Variants in ADRA1D observed in about 807,000 individuals in gnomAD.
The protein encoded by ADRA1D is adrenoceptor alpha 1D, also known as alpha-1D adrenergic receptor.
In ADRA1D, 22 loss-of-function variants were observed where a neutral mutation model predicts 18.6. That is an observed-to-expected ratio of 1.19 (90% CI 0.85 to 1.69). ADRA1D has a LOEUF of 1.69. Ranked by LOEUF, ADRA1D falls within the 40% of genes most tolerant of loss-of-function variation. The pLI is 0.00. For synonymous variants in ADRA1D, 376 were observed against 388.2 expected (o/e 0.97, Z 0.37); for missense variants, 840 against 840.7 (o/e 1.00, Z 0.01).
chr20:4,233,986 CCCGTGTCAGGAGTCTAACCTA>C (rs1981030754), intron 1 of ADRA1D, among the ~76,000 whole-genome samples: 1 of 152,186 alleles, frequency 6.6e-6, no homozygotes, highest in African/African-American at 2.4e-5. Context: ...TATTGGGGTG[CCCGTGTCAGGAGTCTAACCTA>C]ACGTTTGGGG....
At chr20:4,238,082 T>A (rs1399706953) in intron 1 of ADRA1D, among the ~76,000 whole-genome samples, 4 of 149,978 alleles carry the variant, frequency 2.7e-5, no homozygotes, top group African/African-American at 9.8e-5. Flanking sequence ...ACCCCCCCCG[T>A]CTCTACTAAA....
Position 4,248,282 on chromosome 20 carries a change from C to T in ADRA1D, c.676G>A (p.Val226Met). The T allele has an allele frequency of 1.9e-6, 3 of 1,608,424 alleles. No homozygotes were observed. Among genetic ancestry groups the T allele is most frequent in the Non-Finnish European group, 2.5e-6 (3 of 1,177,720 alleles). The change falls in exon 1 of 2, where the codon GTG becomes ATG. Residue 226 changes from valine to methionine, a missense_variant. Transcript: ENST00000379453. ...CCCAGCAGGGGCCCTACGGACACCA[C>T]CAGGGCTACGACCCAGAGCAGGGCC... ...ILALLWVVAL[V>M]VSVGPLLGWK... is the part of the protein sequence containing the mutation.
intron 1 of ADRA1D, among the ~76,000 whole-genome samples, chr20:4,238,056 T>C (rs1468846699): frequency 6.8e-6 from 1 of 146,948 alleles, no homozygotes; most frequent in Non-Finnish European, 1.5e-5. Context: ...GAGACCAGCC[T>C]GGCCAACATG....
chr20:4,237,532 G>T (rs1370227374), intron 1 of ADRA1D, among the ~76,000 whole-genome samples: 1 of 151,938 alleles, frequency 6.6e-6, no homozygotes, highest in Non-Finnish European at 1.5e-5. Flanking sequence ...ACAGTGCCAA[G>T]GCAGATCCAG....
intron 1 of ADRA1D, among the ~76,000 whole-genome samples, chr20:4,241,806 C>A (rs2122674401): frequency 6.6e-6 from 1 of 152,342 alleles, no homozygotes; most frequent in African/African-American, 2.4e-5. Flanking sequence ...ACGGGGCCAC[C>A]AAAGTATGCC....
At chr20:4,246,133 A>T (rs1981332404) in intron 1 of ADRA1D, among the ~76,000 whole-genome samples, 2 of 152,222 alleles carry the variant, frequency 1.3e-5, no homozygotes, top group South Asian at 4.1e-4. Flanking sequence ...AGAGCCTGTG[A>T]TCCTCACTGC....
At position 4,248,455 on chromosome 20, in the gene ADRA1D, A is replaced by T; in HGVS notation, c.503T>A (p.Phe168Tyr). Residue 168 changes from phenylalanine (F) to tyrosine (Y), a missense_variant, in exon 1 of 2, where the codon TTC (phenylalanine) becomes TAC (tyrosine). Physicochemically the swap from Phe to Tyr is conservative, Grantham distance 22. Coordinates refer to ENST00000379453, the MANE Select transcript of ADRA1D (RefSeq NM_000678.4). ...VLGFWAFGRAFCDVWAAVDVL... is the reference protein window; with the variant it reads ...VLGFWAFGRAYCDVWAAVDVL... ...GTCCACGGCGGCCCATACGTCGCAG[A>T]AGGCGCGGCCAAAGGCCCAGAAGCC... 6.2e-7 allele frequency: 1 copy of T among 1,612,752 alleles called. No homozygotes were observed. Among genetic ancestry groups the T allele is most frequent in the Non-Finnish European group, 8.5e-7 (1 of 1,179,506 alleles).
rs770973888 is a variant in ADRA1D at position 4,247,989 on chromosome 20, G to A, written c.969C>T (p.Ser323=). 4.5e-6 allele frequency: 7 copies of A among 1,570,676 alleles called. No homozygotes were observed. The highest frequency in any genetic ancestry group is 3.7e-5 in the Admixed American group (2 of 53,430). The part of the protein sequence containing the change: ...TGADGAHGMR[S]AKGHTFRSSL... Reference sequence around the variant, plus strand: ...AGCTGCGGAAGGTGTGGCCCTTGGCGCTGCGCATGCCGTGCGCCCCGTCGG... The same window carrying A: ...AGCTGCGGAAGGTGTGGCCCTTGGCACTGCGCATGCCGTGCGCCCCGTCGG... Residue 323 remains serine, a synonymous_variant, in exon 1 of 2, where the codon AGC becomes AGT. Transcript: ENST00000379453.
In ADRA1D at chr20:4,248,990, G is replaced by T; in HGVS notation, c.-33C>A. The T allele has an allele frequency of 7.7e-7, 1 of 1,294,026 alleles. No individual in the cohort carries two copies. The highest frequency in any genetic ancestry group is 9.9e-7 in the Non-Finnish European group (1 of 1,009,812). 80.2% of individuals were successfully genotyped at this position (1,294,026 alleles called of 1,614,324 possible). A position where few individuals can be genotyped will look rare whatever the true frequency, so the allele number is the denominator to read the frequency against. On this transcript the variant is annotated 5_prime_UTR_variant, in exon 1 of 2. Transcript: ENST00000379453. ...CGCGGCCGTCGGTGGCCGGGCCGGG[G>T]CACAGAACGAGCGGCCGGCAGGGAG...
Position 4,221,280 on chromosome 20 carries a change from C to T in ADRA1D, c.*243G>A, listed in dbSNP as rs949605962. The stretch of plus-strand genomic sequence containing the variant: ...GGAGCAAAAGGCCCCACGGAGCCCG[C>T]AGCCTCTCCCTTCTAAGAAAAGAGT... On this transcript the variant is annotated 3_prime_UTR_variant, in exon 2 of 2. Coordinates refer to ENST00000379453, the MANE Select transcript of ADRA1D (RefSeq NM_000678.4). 35 of 439,312 alleles carry T rather than the reference C, an allele frequency of 8.0e-5. No individual in the cohort carries two copies. Among genetic ancestry groups the T allele is most frequent in the African/African-American group, 7.2e-4 (35 of 48,928 alleles). The allele number at this position is 439,312 out of a possible 1,614,324, so 27.2% of individuals were successfully genotyped here. A position where few individuals can be genotyped will look rare whatever the true frequency, so the allele number is the denominator to read the frequency against.
At chr20:4,231,064 T>TTCTTTC (rs1491147056) in intron 1 of ADRA1D, among the ~76,000 whole-genome samples, 1 of 97,924 alleles carries the variant, frequency 1.0e-5, no homozygotes, top group Non-Finnish European at 2.0e-5. Flanking sequence ...CTTTCTTTCT[T>TTCTTTC]TCTCTCTCTC....
chr20:4,242,648 G>C (rs950940548), intron 1 of ADRA1D, among the ~76,000 whole-genome samples: 10 of 152,120 alleles, frequency 6.6e-5, no homozygotes, highest in Non-Finnish European at 1.3e-4. Context: ...GGCTGTCCTG[G>C]GACTTCTGAT....
chr20:4,235,829 C>T (rs1023766056), intron 1 of ADRA1D, among the ~76,000 whole-genome samples: 4 of 152,188 alleles, frequency 2.6e-5, no homozygotes, highest in Admixed American at 1.3e-4. Flanking sequence ...TCAGGGTGCA[C>T]GGTGGGGCTG....
chr20:4,221,465 C>G lies in ADRA1D; in HGVS notation c.*58G>C. ...GGGGGCTCTTAGAACACCAGCCCGC[C>G]TCTCTGGTCCCCCTTACCCCCAAGC... On this transcript the variant is annotated 3_prime_UTR_variant, in exon 2 of 2. Transcript: ENST00000379453. 2.0e-6 allele frequency: 3 copies of G among 1,528,654 alleles called. No homozygotes were observed. The highest frequency in any genetic ancestry group is 2.6e-6 in the Non-Finnish European group (3 of 1,133,730). 94.7% of individuals were successfully genotyped at this position (1,528,654 alleles called of 1,614,324 possible).
At chr20:4,224,993 G>T (rs1450835178) in intron 1 of ADRA1D, among the ~76,000 whole-genome samples, 1 of 120,060 alleles carries the variant, frequency 8.3e-6, no homozygotes, top group Admixed American at 9.1e-5. Context: ...GGCCATCTAA[G>T]TTTTTTTTTT....
chr20:4,234,021 T>A (rs941265774), intron 1 of ADRA1D, among the ~76,000 whole-genome samples: 4 of 152,214 alleles, frequency 2.6e-5, no homozygotes, highest in African/African-American at 9.6e-5. Context: ...TTTGGGGGAC[T>A]GGGCATCCTC....
intron 1 of ADRA1D, among the ~76,000 whole-genome samples, chr20:4,240,407 CTT>C (rs57205653): frequency 0.46 from 65,762 of 142,482 alleles, 16,436 homozygotes; most frequent in Non-Finnish European, 0.58. Flanking sequence ...GGATTGTGGG[CTT>C]TTTTTTTTTT....
chr20:4,231,083 T>TTTC (rs1555821057), intron 1 of ADRA1D, among the ~76,000 whole-genome samples: 1,577 of 73,870 alleles, frequency 0.021, 27 homozygotes, highest in East Asian at 0.047. Context: ...TCTCTCTCTC[T>TTTC]TTTCTTTTCT....
In ADRA1D at chr20:4,248,116, G is replaced by T; in HGVS notation, c.842C>A (p.Ala281Glu). ...VVMYCRVYVV[A>E]RSTTRSLEAG... ...CTCGAGGCTGCGCGTGGTGCTGCGC[G>T]CGACCACGTACACGCGGCAGTACAT... The change falls in exon 1 of 2, where the codon GCG becomes GAG. Residue 281 changes from alanine (A) to glutamate (E), a missense_variant. By Grantham distance (107) the Ala-to-Glu change is moderately radical (BLOSUM62 -1). Transcript: ENST00000379453. 1 of 1,562,080 alleles carries T rather than the reference G, an allele frequency of 6.4e-7. No individual in the cohort carries two copies. The highest frequency in any genetic ancestry group is 8.7e-7 in the Non-Finnish European group (1 of 1,153,328).
Sources: gnomAD v4.1 joint callset for allele counts (sites outside exome capture counted in the v4.1 genomes callset) on GRCh38, gnomAD v4.1.1 for gene constraint, MANE v1.5 for transcripts, NCBI Gene and HGNC (gene_info 2026-07-23, HGNC 2026-07-21) for gene names.